Variants in FAR2 observed in about 807,000 individuals in gnomAD.
FAR2 encodes the protein epididymis secretory protein Li 81.
FAR2 carries 19 observed loss-of-function variants against 56.0 expected under a neutral mutation model. The observed-to-expected ratio is 0.34, with a 90% CI of 0.24 to 0.50. The LOEUF (loss-of-function observed/expected upper bound fraction) is 0.50, where lower values mean the gene tolerates loss of function less well. Ranked by LOEUF, FAR2 falls within the 20% of genes least tolerant of loss-of-function variation. The pLI is 0.98. For missense variants in FAR2, 508 were observed against 642.2 expected (o/e 0.79, Z 2.26); for synonymous variants, 219 against 218.8 (o/e 1.00, Z -0.01).
At chr12:29,296,813 G>C (rs1361952566) in intron 3 of FAR2, among the ~76,000 whole-genome samples, 1 of 152,122 alleles carries the variant, frequency 6.6e-6, no homozygotes, top group African/African-American at 2.4e-5. Context: ...TCAGTGAATA[G>C]GATTTATGTG....
At chr12:29,162,672 T>C (rs1949793032) in intron 1 of FAR2, among the ~76,000 whole-genome samples, 1 of 152,206 alleles carries the variant, frequency 6.6e-6, no homozygotes, top group South Asian at 2.1e-4. Flanking sequence ...GGAAAGGTCT[T>C]GACCAAACAT....
intron 1 of FAR2, among the ~76,000 whole-genome samples, chr12:29,215,034 AAAG>A (rs564776837): frequency 1.3e-3 from 195 of 152,282 alleles, no homozygotes; most frequent in African/African-American, 4.4e-3. Context: ...TATAATATTC[AAAG>A]AAGAGCGAAG....
chr12:29,179,634 C>T (rs571383474), intron 1 of FAR2, among the ~76,000 whole-genome samples: 1 of 152,198 alleles, frequency 6.6e-6, no homozygotes, highest in South Asian at 2.1e-4. Context: ...CCTTGTCAGG[C>T]AGTCCATGGC....
At chr12:29,244,985 CT>C (rs529685886) in intron 1 of FAR2, among the ~76,000 whole-genome samples, 199 of 145,190 alleles carry the variant, frequency 1.4e-3, no homozygotes, top group Middle Eastern at 7.1e-3. Flanking sequence ...TCTGTCCGCA[CT>C]TTTTTTTTTT....
At chr12:29,184,905 C>T (rs980240589) in intron 1 of FAR2, among the ~76,000 whole-genome samples, 1 of 152,076 alleles carries the variant, frequency 6.6e-6, no homozygotes, top group Non-Finnish European at 1.5e-5. Context: ...GTAAAAATAT[C>T]ATCAGCCTAG....
intron 9 of FAR2, among the ~76,000 whole-genome samples, chr12:29,318,360 G>A (rs981162972): frequency 1.3e-5 from 2 of 152,172 alleles, no homozygotes; most frequent in Non-Finnish European, 2.9e-5. Context: ...CCCAAATATT[G>A]TAGGCAGAAA....
At chr12:29,253,290 T>TAG (rs1436337395) in intron 1 of FAR2, among the ~76,000 whole-genome samples, 2 of 147,428 alleles carry the variant, frequency 1.4e-5, no homozygotes, top group African/African-American at 2.5e-5. Context: ...GATATCTATA[T>TAG]CTATCTAGAT....
At chr12:29,273,528 C>T (rs1156805806) in intron 2 of FAR2, among the ~76,000 whole-genome samples, 2 of 152,230 alleles carry the variant, frequency 1.3e-5, no homozygotes, top group Non-Finnish European at 2.9e-5. Context: ...GGGAAAAGCA[C>T]AGCCTGGAGC....
At chr12:29,271,663 C>T (rs1208228331) in intron 2 of FAR2, among the ~76,000 whole-genome samples, 1 of 152,190 alleles carries the variant, frequency 6.6e-6, no homozygotes, top group Non-Finnish European at 1.5e-5. Flanking sequence ...GATTTTGTTA[C>T]AAACCATCAT....
intron 4 of FAR2, among the ~76,000 whole-genome samples, chr12:29,304,870 T>C (rs1949231723): frequency 6.6e-6 from 1 of 152,218 alleles, no homozygotes; most frequent in Admixed American, 6.5e-5. Context: ...TAGATTAATT[T>C]CAGACATGTA....
In FAR2 at chr12:29,297,104, A is replaced by T; in HGVS notation, c.449A>T (p.His150Leu). 1.2e-6 allele frequency: 2 copies of T among 1,614,014 alleles called. No homozygotes were observed. Among genetic ancestry groups the T allele is most frequent in the Non-Finnish European group, 8.5e-7 (1 of 1,179,914 alleles). The change falls in exon 4 of 12, where the codon CAT (histidine) becomes CTT (leucine). Residue 150 changes from histidine (H) to leucine (L), a missense_variant. By Grantham distance (99) the His-to-Leu change is moderately conservative. Coordinates refer to ENST00000536681, the MANE Select transcript of FAR2 (RefSeq NM_001271783.2). Reference sequence around the variant, plus strand: ...ATGCCAAAGCTGGAAGCCTTTATACATATCTCTACTGCCTATTCAAATTGT... The same window carrying T: ...ATGCCAAAGCTGGAAGCCTTTATACTTATCTCTACTGCCTATTCAAATTGT... ...SQMPKLEAFI[H>L]ISTAYSNCNL...
At chr12:29,316,021 G>C (rs948665294) in intron 8 of FAR2, among the ~76,000 whole-genome samples, 7 of 152,002 alleles carry the variant, frequency 4.6e-5, no homozygotes, top group Non-Finnish European at 8.8e-5. Flanking sequence ...TGATTCTTGA[G>C]ACTCTTCTTT....
At chr12:29,224,431 G>T (rs990417009) in intron 1 of FAR2, among the ~76,000 whole-genome samples, 3 of 152,176 alleles carry the variant, frequency 2.0e-5, no homozygotes, top group Admixed American at 6.5e-5. Flanking sequence ...GAGAGCTCCA[G>T]GGAAGAATAT....
chr12:29,308,716 A>G (rs1949297174), intron 5 of FAR2, among the ~76,000 whole-genome samples: 2 of 146,286 alleles, frequency 1.4e-5, no homozygotes, highest in South Asian at 4.3e-4. Flanking sequence ...ACACACACAC[A>G]CACATATATA....
chr12:29,262,460 G>A (rs146006099), intron 1 of FAR2, among the ~76,000 whole-genome samples: 10 of 151,978 alleles, frequency 6.6e-5, no homozygotes, highest in Non-Finnish European at 1.0e-4. Context: ...GATAAACCCC[G>A]TTTCTACTAA....
At chr12:29,255,728 G>A (rs1948306832) in intron 1 of FAR2, among the ~76,000 whole-genome samples, 1 of 151,778 alleles carries the variant, frequency 6.6e-6, no homozygotes, top group Admixed American at 6.6e-5. Context: ...AGGTACATGC[G>A]ATTCTCCTGT....
intron 2 of FAR2, among the ~76,000 whole-genome samples, chr12:29,289,039 G>A (rs1348763494): frequency 6.6e-6 from 1 of 152,008 alleles, no homozygotes; most frequent in Non-Finnish European, 1.5e-5. Context: ...AAATTGAAGA[G>A]GACACCAAAA....
At chr12:29,318,240 T>C (rs1565522169) in intron 9 of FAR2, among the ~76,000 whole-genome samples, 1 of 152,188 alleles carries the variant, frequency 6.6e-6, no homozygotes, top group Non-Finnish European at 1.5e-5. Context: ...TTTAAAGACC[T>C]CATTTGGAGC....
chr12:29,213,689 CA>C (rs34410137), intron 1 of FAR2, among the ~76,000 whole-genome samples: 62 of 130,704 alleles, frequency 4.7e-4, no homozygotes, highest in Admixed American at 4.6e-4. Context: ...GACTCTGTCT[CA>C]AAAAAAAAAA....
Sources: gnomAD v4.1 joint callset for allele counts (sites outside exome capture counted in the v4.1 genomes callset) on GRCh38, gnomAD v4.1.1 for gene constraint, MANE v1.5 for transcripts, NCBI Gene and HGNC (gene_info 2026-07-23, HGNC 2026-07-21) for gene names.